The following TCF19 variants were observed in gnomAD, a reference collection of about 807,000 sequenced individuals.
The protein encoded by TCF19 is transcription factor 19.
Under a neutral mutation model 18.3 loss-of-function variants are expected in TCF19, and 9 were observed. The observed-to-expected ratio is 0.49, with a 90% CI of 0.30 to 0.86. The LOEUF (loss-of-function observed/expected upper bound fraction) is 0.86. Among genes scored for constraint, TCF19 ranks in the 40% least tolerant of loss-of-function variants. TCF19 has a pLI of 0.07. For synonymous variants in TCF19, 176 were observed against 185.3 expected (o/e 0.95, Z 0.41); for missense variants, 376 against 464.3 (o/e 0.81, Z 1.75).
intron 2 of TCF19, 49 bp from the exon 3 acceptor site, chr6:31,161,398 C>A: frequency 7.5e-7 from 1 of 1,334,992 alleles, no homozygotes; most frequent in South Asian, 2.2e-5. Context: ...TGACTCTGGT[C>A]ATTTCTGTTT....
chr6:31,161,159 AAAAAAAAAAGAAAGAAAG>A lies in TCF19; in HGVS notation c.239-275_239-258del, dbSNP rs1374108552. On this transcript the variant is annotated intron_variant, in intron 2 of 3. Transcript: ENST00000376257. ...ATAGAGCAAAACTCCATCTCAAAAA[AAAAAAAAAAGAAAGAAAG>A]AAAAAAAAAGAAGAAAGAAAGAAAA... 2.4e-5 allele frequency among the ~76,000 whole-genome samples: 3 copies of A among 126,196 alleles called. No homozygotes were observed. The Admixed American group carries it at 2.5e-4, about 11-fold the overall frequency. The allele number at this position is 126,196 out of a possible 152,430, so 82.8% of individuals were successfully genotyped here. A position where few individuals can be genotyped will look rare whatever the true frequency, so the allele number is the denominator to read the frequency against.
rs530912536 is a variant in TCF19, at chr6:31,162,286, G to T, written c.798-191G>T. ...CATTCTTCTAGTGCCTAAGGATGGG[G>T]AACTTTCAGGCTCATACTAGAGGTT... On this transcript the variant is annotated intron_variant, in intron 3 of 3. Coordinates refer to ENST00000376257, the MANE Select transcript of TCF19 (RefSeq NM_007109.3). This position sits in a 1 kb window ranked among gnomAD's most constrained non-coding sequence, Gnocchi z 4.5. 3.9e-5 allele frequency among the ~76,000 whole-genome samples: 6 copies of T among 152,222 alleles called. No individual in the cohort carries two copies. The South Asian group carries it at 1.0e-3, about 26-fold the overall frequency.
Position 31,159,329 on chromosome 6 carries a change from C to T in TCF19, c.-141C>T, listed in dbSNP as rs142676804. ...GAATTTGGGCTATTCAGGTAGTGTG[C>T]TCAAAGTTGAAACCGCATACAGCAC... On this transcript the variant is annotated 5_prime_UTR_variant, in exon 2 of 4. Transcript: ENST00000376257. 30 of 783,668 alleles carry T rather than the reference C, an allele frequency of 3.8e-5. No individual in the cohort carries two copies. The highest frequency in any genetic ancestry group is 1.9e-4 in the East Asian group (7 of 36,794). 48.5% of individuals were successfully genotyped at this position (783,668 alleles called of 1,614,324 possible).
In TCF19 at chr6:31,161,717, C is replaced by T. The variant is rs1474774806; in HGVS notation, c.509C>T (p.Pro170Leu). 5.1e-6 allele frequency: 8 copies of T among 1,555,016 alleles called. No individual in the cohort carries two copies. The highest frequency in any genetic ancestry group is 7.0e-6 in the Non-Finnish European group (8 of 1,149,628). The stretch of plus-strand genomic sequence containing the variant: ...CCTCTCAGCACCTTCTCCCCTGCCC[C>T]CAAGGCCACACTGATCCTAAACTCC... ...QRPLSTFSPA[P>L]KATLILNSIG... is the part of the protein sequence containing the mutation. The change falls in exon 3 of 4, where the codon CCC (proline) becomes CTC (leucine). Residue 170 changes from proline to leucine, a missense_variant. Coordinates refer to ENST00000376257, the MANE Select transcript of TCF19 (RefSeq NM_007109.3).
Position 31,164,213 on chromosome 6 carries a change from C to A in TCF19, c.*1496C>A. ...TGTACAAATAAACTTGGCTGCAATC[C>A]CAGCTCTCCCTCTGATGTTGTGTGA... is the stretch of plus-strand genomic sequence containing the variant. On this transcript the variant is annotated 3_prime_UTR_variant, in exon 4 of 4. Coordinates refer to ENST00000376257, the MANE Select transcript of TCF19 (RefSeq NM_007109.3). 1 of 1,206,594 alleles carries A rather than the reference C, an allele frequency of 8.3e-7. No homozygotes were observed. Among genetic ancestry groups the A allele is most frequent in the Non-Finnish European group, 1.0e-6 (1 of 958,556 alleles). The allele number at this position is 1,206,594 out of a possible 1,614,324, so 74.7% of individuals were successfully genotyped here. A position where few individuals can be genotyped will look rare whatever the true frequency, so the allele number is the denominator to read the frequency against.
Position 31,162,484 on chromosome 6 carries a change from C to A in TCF19, c.805C>A (p.Arg269Ser). Reference sequence around the variant, plus strand: ...CTGTGTCACTTCCTTCAGAAATCGACGTGGCCGTCCTCGGAAGTACCCAGT... The same window carrying A: ...CTGTGTCACTTCCTTCAGAAATCGAAGTGGCCGTCCTCGGAAGTACCCAGT... ...KAPLTPTGNR[R>S]GRPRKYPVSA... The change falls in exon 4 of 4, where the codon CGT becomes AGT. Residue 269 changes from arginine to serine, a missense_variant. Coordinates refer to ENST00000376257, the MANE Select transcript of TCF19 (RefSeq NM_007109.3). The surrounding 1 kb of genome is among the most constrained non-coding windows in gnomAD (Gnocchi z 4.5). 1 of 1,607,926 alleles carries A rather than the reference C, an allele frequency of 6.2e-7. No homozygotes were observed. Among genetic ancestry groups the A allele is most frequent in the South Asian group, 1.1e-5 (1 of 90,534 alleles).
chr6:31,161,498 G>T lies in TCF19; in HGVS notation c.290G>T (p.Ser97Ile). The T allele has an allele frequency of 6.6e-7, 1 of 1,504,154 alleles. No individual in the cohort carries two copies. The highest frequency in any genetic ancestry group is 8.8e-7 in the Non-Finnish European group (1 of 1,130,174). The allele number at this position is 1,504,154 out of a possible 1,614,324, so 93.2% of individuals were successfully genotyped here. The change falls in exon 3 of 4, where the codon AGT becomes ATT. Residue 97 changes from serine to isoleucine, a missense_variant. Physicochemically the swap from Ser to Ile is moderately radical, Grantham distance 142. Coordinates refer to ENST00000376257, the MANE Select transcript of TCF19 (RefSeq NM_007109.3). ...CCAAGAGGTCACAGGCTGGAATTGA[G>T]TGATGGAGACCTCCTGACCTTTGGC... Reference protein sequence around the residue: ...RLPRGHRLELSDGDLLTFGPE... With the variant: ...RLPRGHRLELIDGDLLTFGPE...
Position 31,162,795 on chromosome 6 carries a change from C to A in TCF19, c.*78C>A. On this transcript the variant is annotated 3_prime_UTR_variant, in exon 4 of 4. Coordinates refer to ENST00000376257, the MANE Select transcript of TCF19 (RefSeq NM_007109.3). This position sits in a 1 kb window ranked among gnomAD's most constrained non-coding sequence, Gnocchi z 4.5. ...GCGAGCAAATAGGTCTGATAAATACCCCCCTTCCCTTCCCTCCCCAGGAGG... is the reference window on the plus strand; with the variant it reads ...GCGAGCAAATAGGTCTGATAAATACACCCCTTCCCTTCCCTCCCCAGGAGG... The A allele has an allele frequency of 6.5e-7, 1 of 1,540,658 alleles. No homozygotes were observed. The highest frequency in any genetic ancestry group is 2.3e-5 in the East Asian group (1 of 43,690).
Position 31,163,035 on chromosome 6 carries a change from A to C in TCF19, c.*318A>C. 8.3e-7 allele frequency: 1 copy of C among 1,205,980 alleles called. No individual in the cohort carries two copies. Among genetic ancestry groups the C allele is most frequent in the Non-Finnish European group, 1.0e-6 (1 of 968,304 alleles). 74.7% of individuals were successfully genotyped at this position (1,205,980 alleles called of 1,614,324 possible). A position where few individuals can be genotyped will look rare whatever the true frequency, so the allele number is the denominator to read the frequency against. ...TAGTCAGAGCACCTATCAGTTGCAA[A>C]AGCCATGCCTGCAACCGATGGAAAA... is the stretch of plus-strand genomic sequence containing the variant. On this transcript the variant is annotated 3_prime_UTR_variant, in exon 4 of 4. Transcript: ENST00000376257.
Position 31,162,883 on chromosome 6 carries a change from G to C in TCF19, c.*166G>C. The stretch of plus-strand genomic sequence containing the variant: ...TCATTCAGGGCCTGGAGCAGACCCT[G>C]GTGGCCAAGACAGAAGAGATGGTTT... On this transcript the variant is annotated 3_prime_UTR_variant, in exon 4 of 4. Transcript: ENST00000376257. The surrounding 1 kb of genome is among the most constrained non-coding windows in gnomAD (Gnocchi z 4.5). 7.0e-7 allele frequency: 1 copy of C among 1,426,558 alleles called. No individual in the cohort carries two copies. 88.4% of individuals were successfully genotyped at this position (1,426,558 alleles called of 1,614,324 possible).
intron 2 of TCF19, among the ~76,000 whole-genome samples, chr6:31,160,662 A>T (rs1776702137): frequency 6.6e-6 from 1 of 151,152 alleles, no homozygotes. Context: ...AGGAGGCTGA[A>T]GCAGCAGAAT....
In TCF19 at chr6:31,162,975, A is replaced by T. The variant is rs746274350; in HGVS notation, c.*258A>T. On this transcript the variant is annotated 3_prime_UTR_variant, in exon 4 of 4. Transcript: ENST00000376257. The surrounding 1 kb of genome is among the most constrained non-coding windows in gnomAD (Gnocchi z 4.5). ...CTGGAAGTTCCCACTATTACAAGCC[A>T]TAAGGCCATGTTGCCATGGACACCA... 7.2e-7 allele frequency: 1 copy of T among 1,383,844 alleles called. No individual in the cohort carries two copies. The highest frequency in any genetic ancestry group is 9.3e-7 in the Non-Finnish European group (1 of 1,073,052). The allele number at this position is 1,383,844 out of a possible 1,614,324, so 85.7% of individuals were successfully genotyped here.
In TCF19 at chr6:31,162,975, A is replaced by G. The variant is rs746274350; in HGVS notation, c.*258A>G. 5 of 1,383,962 alleles carry G rather than the reference A, an allele frequency of 3.6e-6. No homozygotes were observed. Among genetic ancestry groups the G allele is most frequent in the Non-Finnish European group, 4.7e-6 (5 of 1,073,044 alleles). 85.7% of individuals were successfully genotyped at this position (1,383,962 alleles called of 1,614,324 possible). A position where few individuals can be genotyped will look rare whatever the true frequency, so the allele number is the denominator to read the frequency against. ...CTGGAAGTTCCCACTATTACAAGCCATAAGGCCATGTTGCCATGGACACCA... is the reference window on the plus strand; with the variant it reads ...CTGGAAGTTCCCACTATTACAAGCCGTAAGGCCATGTTGCCATGGACACCA... On this transcript the variant is annotated 3_prime_UTR_variant, in exon 4 of 4. Transcript: ENST00000376257. The surrounding 1 kb of genome is among the most constrained non-coding windows in gnomAD (Gnocchi z 4.5).
In TCF19 at chr6:31,159,481, C is replaced by T. The variant is rs1321577175; in HGVS notation, c.12C>T (p.Cys4=). ...AGGGGGCACCGCCCATGCTGCCCTG[C>T]TTCCAACTGCTGCGCATAGGGGGCG... MLP[C]FQLLRIGGGR... The change falls in exon 2 of 4, where the codon TGC becomes TGT. Residue 4 remains cysteine (C), a synonymous_variant. Coordinates refer to ENST00000376257, the MANE Select transcript of TCF19 (RefSeq NM_007109.3). 1 of 1,573,884 alleles carries T rather than the reference C, an allele frequency of 6.4e-7. No homozygotes were observed. Among genetic ancestry groups the T allele is most frequent in the Non-Finnish European group, 8.6e-7 (1 of 1,159,986 alleles).
chr6:31,164,170 T>C lies in TCF19; in HGVS notation c.*1453T>C. On this transcript the variant is annotated 3_prime_UTR_variant, in exon 4 of 4. Transcript: ENST00000376257. Reference sequence around the variant, plus strand: ...TCTTGCATCACAGGCTTTTGGGAACTAGCCTATCACAGGGCCCTGTACAAA... The same window carrying C: ...TCTTGCATCACAGGCTTTTGGGAACCAGCCTATCACAGGGCCCTGTACAAA... 1 of 1,111,952 alleles carries C rather than the reference T, an allele frequency of 9.0e-7. No individual in the cohort carries two copies. Among genetic ancestry groups the C allele is most frequent in the Non-Finnish European group, 1.1e-6 (1 of 906,578 alleles). The allele number at this position is 1,111,952 out of a possible 1,614,324, so 68.9% of individuals were successfully genotyped here. A position where few individuals can be genotyped will look rare whatever the true frequency, so the allele number is the denominator to read the frequency against.
intron 2 of TCF19, among the ~76,000 whole-genome samples, chr6:31,160,878 C>T (rs1046616000): frequency 2.0e-5 from 3 of 151,654 alleles, no homozygotes; most frequent in African/African-American, 4.8e-5. Context: ...GACCTTAGGG[C>T]GGGGCACGGT....
Position 31,159,649 on chromosome 6 carries a change from G to A in TCF19, c.180G>A (p.Leu60=). The change falls in exon 2 of 4, where the codon CTG becomes CTA. Residue 60 remains leucine, a synonymous_variant. Coordinates refer to ENST00000376257, the MANE Select transcript of TCF19 (RefSeq NM_007109.3). ...PGLISGIHAE[L]HAEPRGDDWR... is the part of the protein sequence containing the mutation. ...TCATCTCTGGGATCCACGCCGAACTGCATGCCGAGCCCCGGGGTGATGACT... is the reference window on the plus strand; with the variant it reads ...TCATCTCTGGGATCCACGCCGAACTACATGCCGAGCCCCGGGGTGATGACT... The A allele has an allele frequency of 6.2e-7, 1 of 1,614,052 alleles. No individual in the cohort carries two copies. The highest frequency in any genetic ancestry group is 1.1e-5 in the South Asian group (1 of 91,088).
Position 31,164,214 on chromosome 6 carries a change from C to T in TCF19, c.*1497C>T. On this transcript the variant is annotated 3_prime_UTR_variant, in exon 4 of 4. Coordinates refer to ENST00000376257, the MANE Select transcript of TCF19 (RefSeq NM_007109.3). ...GTACAAATAAACTTGGCTGCAATCC[C>T]AGCTCTCCCTCTGATGTTGTGTGAC... is the stretch of plus-strand genomic sequence containing the variant. 8.3e-7 allele frequency: 1 copy of T among 1,210,734 alleles called. No homozygotes were observed. Among genetic ancestry groups the T allele is most frequent in the Non-Finnish European group, 1.0e-6 (1 of 960,890 alleles). The allele number at this position is 1,210,734 out of a possible 1,614,324, so 75.0% of individuals were successfully genotyped here. A position where few individuals can be genotyped will look rare whatever the true frequency, so the allele number is the denominator to read the frequency against.
In TCF19 at chr6:31,161,547, C is replaced by T. The variant is rs780092627; in HGVS notation, c.339C>T (p.Ser113=). The T allele has an allele frequency of 3.2e-6, 5 of 1,584,364 alleles. No individual in the cohort carries two copies. In the African/African-American group the frequency reaches 4.1e-5, roughly 13 times the overall value. ...GCCCTGAAGGGCCCCCAGGAACCAG[C>T]CCCTCGGAGTTCTACTTCATGTTCC... ...TFGPEGPPGT[S]PSEFYFMFQQ... is the part of the protein sequence containing the mutation. The change falls in exon 3 of 4, where the codon AGC becomes AGT. Residue 113 remains serine (S), a synonymous_variant. Coordinates refer to ENST00000376257, the MANE Select transcript of TCF19 (RefSeq NM_007109.3).
Sources: gnomAD v4.1 joint callset for allele counts (sites outside exome capture counted in the v4.1 genomes callset) on GRCh38, gnomAD v4.1.1 for gene constraint, Gnocchi (gnomAD v3.1) non-coding constraint, MANE v1.5 for transcripts, NCBI Gene and HGNC (gene_info 2026-07-23, HGNC 2026-07-21) for gene names.